Variants in KIF7 observed in about 807,000 individuals in gnomAD.
KIF7 encodes kinesin family member 7.
In KIF7, 104 loss-of-function variants were observed where a neutral mutation model predicts 135.7. That is an observed-to-expected ratio of 0.77 (90% CI 0.65 to 0.90). The LOEUF is 0.90. Ranked by LOEUF, KIF7 falls within the 40% of genes least tolerant of loss-of-function variation. The pLI is 0.00. For missense variants in KIF7, 2,005 were observed against 1,839.1 expected, an observed-to-expected ratio of 1.09 and a Z score of -1.65; for synonymous variants, 883 against 809.4, an observed-to-expected ratio of 1.09 and a Z score of -1.54.
At chr15:89,624,356 T>C, downstream of KIF7, 1 of 1,614,146 alleles carries the variant, frequency 6.2e-7, no homozygotes, top group South Asian at 1.1e-5. Flanking sequence ...TCACCCAGCG[T>C]AGCTGCATCT....
chr15:89,645,536 GCCA>G (rs984892837), intron 8 of KIF7, 85 bp from the exon 9 acceptor site: 1 of 1,072,130 alleles, frequency 9.3e-7, no homozygotes, highest in African/African-American at 1.6e-5. Flanking sequence ...AAGAAGAGAG[GCCA>G]CCGGGTCTTC....
intron 16 of KIF7, 133 bp from the exon 17 acceptor site, chr15:89,629,706 C>G: frequency 8.2e-7 from 1 of 1,222,492 alleles, no homozygotes; most frequent in Non-Finnish European, 1.1e-6. Flanking sequence ...CCCTGCTGAG[C>G]CAAGACTCAG....
chr15:89,617,785 G>A (rs1027734744), intron 2 of KIF7, among the ~76,000 whole-genome samples: 4 of 150,888 alleles, frequency 2.7e-5, no homozygotes, highest in East Asian at 1.9e-4. Flanking sequence ...TCTGCCTCCC[G>A]GGTTCAAGCG....
chr15:89,620,468 A>G (rs1321938349), intron 1 of KIF7, among the ~76,000 whole-genome samples: 1 of 152,128 alleles, frequency 6.6e-6, no homozygotes. Flanking sequence ...TCGGCCTCCC[A>G]AAGTGCTGGG....
At chr15:89,638,826 T>G (rs1963863226) in intron 11 of KIF7, among the ~76,000 whole-genome samples, 1 of 152,102 alleles carries the variant, frequency 6.6e-6, no homozygotes, top group African/African-American at 2.4e-5. Flanking sequence ...AAAAAGAGCC[T>G]GCATCACCAA....
At chr15:89,646,690 C>A in intron 7 of KIF7, 140 bp downstream of exon 7, 1 of 794,418 alleles carries the variant, frequency 1.3e-6, no homozygotes. Flanking sequence ...CTGGGGACAG[C>A]TGAAAGCAGC....
At chr15:89,654,941 G>A (rs949131670) in intron 1 of KIF7, among the ~76,000 whole-genome samples, 9 of 152,252 alleles carry the variant, frequency 5.9e-5, no homozygotes, top group Non-Finnish European at 1.3e-4. Flanking sequence ...CTCCGCGTGA[G>A]CGTTCCGAGC....
At chr15:89,626,092 C>T (rs774918164), downstream of KIF7, 1 of 1,605,922 alleles carries the variant, frequency 6.2e-7, no homozygotes, top group Non-Finnish European at 8.5e-7. Flanking sequence ...AGGACCCTTT[C>T]CTGTGACAGA....
intron 14 of KIF7, among the ~76,000 whole-genome samples, chr15:89,632,384 T>C (rs1294123113): frequency 1.3e-5 from 2 of 152,334 alleles, no homozygotes; most frequent in Non-Finnish European, 2.9e-5. Context: ...AGTCTCTTTC[T>C]ATTTGGCTAT....
chr15:89,647,621 T>A lies in KIF7; in HGVS notation c.1535A>T (p.Asp512Val). 1 of 1,611,930 alleles carries A rather than the reference T, an allele frequency of 6.2e-7. No individual in the cohort carries two copies. The change falls in exon 6 of 19, where the codon GAC (aspartate) becomes GTC (valine). Residue 512 changes from aspartate (D) to valine (V), a missense_variant. Physicochemically the swap from Asp to Val is radical, Grantham distance 152 (BLOSUM62 -3). Coordinates refer to ENST00000394412, the MANE Select transcript of KIF7 (RefSeq NM_198525.3). ...CTGCAGTTTGTACTGCTCCATGGCGTCCTCCAGCGCAGCCAGAAAGTCTCG... is the reference window on the plus strand; with the variant it reads ...CTGCAGTTTGTACTGCTCCATGGCGACCTCCAGCGCAGCCAGAAAGTCTCG... ...ENRDFLAALE[D>V]AMEQYKLQSD... is the part of the protein sequence containing the mutation.
At position 89,628,334 on chromosome 15, in the gene KIF7, A is replaced by G. The variant is rs1596063552; in HGVS notation, c.*85T>C. ...CCTGGATTTAGGGTGTGCGGTAAGG[A>G]CTGCCCTTCACAGAAGCAAAACAGG... On this transcript the variant is annotated 3_prime_UTR_variant, in exon 19 of 19. Transcript: ENST00000394412. The G allele has an allele frequency of 4.0e-6, 6 of 1,503,790 alleles. No homozygotes were observed. The East Asian group carries it at 9.1e-5, about 23-fold the overall frequency. 93.2% of individuals were successfully genotyped at this position (1,503,790 alleles called of 1,614,324 possible).
chr15:89,642,566 C>T (rs1319064755), intron 10 of KIF7, among the ~76,000 whole-genome samples, 161 bp from the exon 11 acceptor site: 1 of 151,972 alleles, frequency 6.6e-6, no homozygotes, highest in African/African-American at 2.4e-5. Flanking sequence ...TTCTTCAAAT[C>T]AACTCTATTT....
downstream of KIF7, chr15:89,624,020 G>A (rs1420777753): frequency 6.2e-7 from 1 of 1,613,956 alleles, no homozygotes; most frequent in Admixed American, 1.7e-5. Context: ...GCCCAGCCCA[G>A]GAGAGAGTGT....
At chr15:89,624,500 A>C (rs1309799618), downstream of KIF7, 3 of 1,614,002 alleles carry the variant, frequency 1.9e-6, no homozygotes, top group African/African-American at 2.7e-5. Context: ...AGCATCGTGG[A>C]GTGTCAGCCT....
rs370413810 is a variant in KIF7 at position 89,649,895 on chromosome 15, G to A, written c.375C>T (p.Ala125=). The A allele has an allele frequency of 1.2e-5, 19 of 1,551,602 alleles. No individual in the cohort carries two copies. Among genetic ancestry groups the A allele is most frequent in the Middle Eastern group, 3.3e-4 (2 of 6,014 alleles). Residue 125 remains alanine (A), a synonymous_variant, in exon 3 of 19, where the codon GCC becomes GCT. Transcript: ENST00000394412. ...TCTCATCGATGAGCTTGAAGGCCTC[G>A]GCCATGGCCCTCGGGACAATGCCCT... ...DEQGIVPRAM[A]EAFKLIDEND... is the part of the protein sequence containing the mutation.
downstream of KIF7, chr15:89,624,813 GTC>G: frequency 6.2e-7 from 1 of 1,614,186 alleles, no homozygotes; most frequent in Non-Finnish European, 8.5e-7. Context: ...AGTCTTCTCT[GTC>G]TCACCCTGGG....
chr15:89,656,150 A>G (rs1445771929), upstream of KIF7, among the ~76,000 whole-genome samples: 2 of 152,216 alleles, frequency 1.3e-5, no homozygotes, highest in Non-Finnish European at 2.9e-5. Flanking sequence ...TAGACAGGCA[A>G]CATAATTAAA....
Position 89,628,156 on chromosome 15 carries a change from C to CTGAGA in KIF7, c.*258_*262dup. On this transcript the variant is annotated 3_prime_UTR_variant, in exon 19 of 19. Coordinates refer to ENST00000394412, the MANE Select transcript of KIF7 (RefSeq NM_198525.3). ...ATTTACGCCTGAAACCAGAATTGTC[C>CTGAGA]TGAGATTCGAGCAAGACACAAGGCG... is the stretch of plus-strand genomic sequence containing the variant. The CTGAGA allele has an allele frequency of 2.3e-6, 1 of 437,880 alleles. No homozygotes were observed. The highest frequency in any genetic ancestry group is 4.0e-6 in the Non-Finnish European group (1 of 248,536). The allele number at this position is 437,880 out of a possible 1,614,324, so 27.1% of individuals were successfully genotyped here. A position where few individuals can be genotyped will look rare whatever the true frequency, so the allele number is the denominator to read the frequency against.
chr15:89,623,485 C>T, downstream of KIF7: 1 of 898,360 alleles, frequency 1.1e-6, no homozygotes, highest in Non-Finnish European at 1.7e-6. Flanking sequence ...GGAAACGGGT[C>T]ACTATTTGAG....
Sources: gnomAD v4.1 joint callset for allele counts (sites outside exome capture counted in the v4.1 genomes callset) on GRCh38, gnomAD v4.1.1 for gene constraint, MANE v1.5 for transcripts, NCBI Gene and HGNC (gene_info 2026-07-23, HGNC 2026-07-21) for gene names.